The following TOX2 variants were observed in gnomAD, a reference collection of about 807,000 sequenced individuals.
TOX2 encodes TOX high mobility group box family member 2.
Under a neutral mutation model 47.4 loss-of-function variants are expected in TOX2, and 15 were observed. That is an observed-to-expected ratio of 0.32 (90% confidence interval 0.21 to 0.49). The LOEUF (loss-of-function observed/expected upper bound fraction) is 0.49. Among genes scored for constraint, TOX2 ranks in the 20% least tolerant of loss-of-function variants. The probability of loss-of-function intolerance (pLI) is 0.99; values close to 1 mark genes in which losing one functional copy is unlikely to be tolerated. For synonymous variants in TOX2, 290 were observed against 296.6 expected (o/e 0.98, Z 0.23); for missense variants, 622 against 673.1 (o/e 0.92, Z 0.84).
chr20:43,935,613 G>T (rs1464891754), intron 1 of TOX2, among the ~76,000 whole-genome samples: 1 of 152,114 alleles, frequency 6.6e-6, no homozygotes, highest in African/African-American at 2.4e-5. Context: ...CTTGCCCAAG[G>T]TCACACAGCC....
At chr20:43,988,002 C>T (rs986560340) in intron 2 of TOX2, among the ~76,000 whole-genome samples, 2 of 149,556 alleles carry the variant, frequency 1.3e-5, no homozygotes, top group African/African-American at 4.9e-5. Flanking sequence ...TCACTGCAAC[C>T]TCCACCTCCC....
chr20:43,946,161 G>C (rs1217589507), intron 1 of TOX2: 9 of 1,417,530 alleles, frequency 6.3e-6, no homozygotes, highest in Non-Finnish European at 8.5e-6. Flanking sequence ...TCACATTCTG[G>C]AATGAAGATG....
intron 1 of TOX2, among the ~76,000 whole-genome samples, chr20:43,958,097 G>A (rs1346474596): frequency 2.6e-5 from 4 of 152,118 alleles, no homozygotes; most frequent in East Asian, 1.9e-4. Flanking sequence ...GTGTCTTTAC[G>A]TGGTCTTCCC....
At chr20:44,065,084 T>C (rs116367705) in intron 6 of TOX2, among the ~76,000 whole-genome samples, 2,307 of 152,198 alleles carry the variant, frequency 0.015, 35 homozygotes, top group Middle Eastern at 0.054. Flanking sequence ...CCCAGAGGGG[T>C]TGAGCAACTT....
At chr20:44,062,923 A>G (rs1234927324) in intron 5 of TOX2, among the ~76,000 whole-genome samples, 2 of 152,236 alleles carry the variant, frequency 1.3e-5, no homozygotes, top group Non-Finnish European at 2.9e-5. Context: ...GTGCTTGGAT[A>G]ATTGGCAAGC....
intron 2 of TOX2, among the ~76,000 whole-genome samples, chr20:43,983,471 A>G (rs566628648): frequency 2.3e-3 from 343 of 152,192 alleles, no homozygotes; most frequent in African/African-American, 7.9e-3. Flanking sequence ...CAGCTTCTAG[A>G]GGAGAACTCA....
chr20:44,044,595 G>T (rs1403133535), intron 3 of TOX2, among the ~76,000 whole-genome samples: 1 of 152,102 alleles, frequency 6.6e-6, no homozygotes, highest in East Asian at 1.9e-4. Flanking sequence ...TATTAGGATG[G>T]CTTCTATTGA....
chr20:43,989,578 G>C (rs1242036613), intron 2 of TOX2, among the ~76,000 whole-genome samples: 2 of 152,044 alleles, frequency 1.3e-5, no homozygotes, highest in Non-Finnish European at 2.9e-5. Flanking sequence ...TCAGGAGTTC[G>C]AGACCAGCCT....
intron 3 of TOX2, among the ~76,000 whole-genome samples, chr20:44,011,986 G>A (rs576881043): frequency 1.5e-4 from 23 of 152,308 alleles, no homozygotes; most frequent in South Asian, 6.2e-4. Flanking sequence ...CAACTTCAGC[G>A]TCTTAACTGA....
chr20:44,064,425 G>A (rs766959073), intron 5 of TOX2, among the ~76,000 whole-genome samples: 1 of 152,338 alleles, frequency 6.6e-6, no homozygotes, highest in East Asian at 1.9e-4. Context: ...TCTAGGTTGC[G>A]AAGGTGGTTC....
intron 1 of TOX2, among the ~76,000 whole-genome samples, chr20:43,928,797 T>C (rs2145311091): frequency 6.6e-6 from 1 of 152,098 alleles, no homozygotes; most frequent in Admixed American, 6.5e-5. Flanking sequence ...ACCATCAATG[T>C]CTTTATGATG....
chr20:43,943,081 G>C (rs2069421787), intron 1 of TOX2, among the ~76,000 whole-genome samples: 1 of 152,078 alleles, frequency 6.6e-6, no homozygotes, highest in Non-Finnish European at 1.5e-5. Flanking sequence ...GATTTGCCTT[G>C]CTAAGCCTCA....
rs143981680 is a variant in TOX2, at chr20:43,991,614, CATTATTATTATT to C, written c.166-14899_166-14888del. ...CCTAGTGAAGGGGACAGGCAATAAT[CATTATTATTATT>C]ATTATTATTATTATTATTATTATTA... On this transcript the variant is annotated intron_variant, in intron 2 of 8. Transcript: ENST00000341197. 3.6e-3 allele frequency among the ~76,000 whole-genome samples: 510 copies of C among 141,696 alleles called. 1 individual carries two copies. Among genetic ancestry groups the C allele is most frequent in the African/African-American group, 0.011 (426 of 38,646 alleles). 93.0% of individuals were successfully genotyped at this position (141,696 alleles called of 152,430 possible). A position where few individuals can be genotyped will look rare whatever the true frequency, so the allele number is the denominator to read the frequency against.
intron 1 of TOX2, among the ~76,000 whole-genome samples, chr20:43,935,278 T>C (rs560478049): frequency 6.6e-6 from 1 of 152,282 alleles, no homozygotes; most frequent in South Asian, 2.1e-4. Context: ...CAACTCTTTC[T>C]CCGCCATCTT....
chr20:44,012,055 G>A lies in TOX2; in HGVS notation c.411+5263G>A, dbSNP rs117847567. Among the ~76,000 whole-genome samples the A allele has an allele frequency of 9.8e-3, 1,491 of 152,290 alleles. 9 individuals carry two copies. The highest frequency in any genetic ancestry group is 0.017 in the Non-Finnish European group (1,133 of 68,022). On this transcript the variant is annotated intron_variant, in intron 3 of 8. Transcript: ENST00000341197. Reference sequence around the variant, plus strand: ...TTTAGTATGAAAGATATATTTTGCCGGTTTAATTTAAAGTGCTGCACCTCT... The same window carrying A: ...TTTAGTATGAAAGATATATTTTGCCAGTTTAATTTAAAGTGCTGCACCTCT...
chr20:44,054,400 G>A lies in TOX2; in HGVS notation c.753G>A (p.Ser251=), dbSNP rs756833543. ...CCAATGAGCCGCAGAAGCCTGTGTC[G>A]GCCTACGCACTCTTCTTCAGAGACA... The part of the protein sequence containing the change: ...KDPNEPQKPV[S]AYALFFRDTQ... Residue 251 remains serine, a synonymous_variant, in exon 5 of 9, where the codon TCG becomes TCA. Transcript: ENST00000341197. The A allele has an allele frequency of 2.7e-5, 43 of 1,612,034 alleles. No homozygotes were observed. Among genetic ancestry groups the A allele is most frequent in the East Asian group, 1.8e-4 (8 of 44,880 alleles).
intron 1 of TOX2, among the ~76,000 whole-genome samples, chr20:43,943,571 G>A (rs1254705518): frequency 1.3e-5 from 2 of 152,302 alleles, no homozygotes; most frequent in East Asian, 1.9e-4. Flanking sequence ...GAGGACAGGG[G>A]CAGTGTCCTG....
intron 1 of TOX2, among the ~76,000 whole-genome samples, chr20:43,927,641 TCCCCTTCCC>T (rs2069190993): frequency 9.0e-6 from 1 of 111,472 alleles, no homozygotes; most frequent in East Asian, 3.4e-4. Context: ...CCTTCCTTCC[TCCCCTTCCC>T]TTCCCTTCCC....
Position 44,069,213 on chromosome 20 carries a change from T to TG in TOX2, c.*532dup, listed in dbSNP as rs565749844. 4.2e-4 allele frequency: 104 copies of TG among 245,562 alleles called. No individual in the cohort carries two copies. The highest frequency in any genetic ancestry group is 2.0e-3 in the African/African-American group (90 of 44,644). 15.2% of individuals were successfully genotyped at this position (245,562 alleles called of 1,614,324 possible). A position where few individuals can be genotyped will look rare whatever the true frequency, so the allele number is the denominator to read the frequency against. On this transcript the variant is annotated 3_prime_UTR_variant, in exon 9 of 9. Coordinates refer to ENST00000341197, the MANE Select transcript of TOX2 (RefSeq NM_001098797.2). ...TGAAGACATCTGTAAGACTATTTTGTGGGGGAAAAAAGTAGTTTCCTTTAA... is the reference window on the plus strand; with the variant it reads ...TGAAGACATCTGTAAGACTATTTTGTGGGGGGAAAAAAGTAGTTTCCTTTAA...
Sources: gnomAD v4.1 joint callset for allele counts (sites outside exome capture counted in the v4.1 genomes callset) on GRCh38, gnomAD v4.1.1 for gene constraint, MANE v1.5 for transcripts, NCBI Gene and HGNC (gene_info 2026-07-23, HGNC 2026-07-21) for gene names.